The following HIPK2 variants were observed in gnomAD, a reference collection of about 807,000 sequenced individuals.
The protein encoded by HIPK2 is homeodomain-interacting protein kinase 2.
A neutral mutation model predicts 113.7 loss-of-function variants in HIPK2; 27 were observed. The ratio of observed to expected loss-of-function variants is 0.24; its 90% CI spans 0.17 to 0.33. The LOEUF (loss-of-function observed/expected upper bound fraction) is 0.33. Ranked by LOEUF, HIPK2 falls within the 10% of genes least tolerant of loss-of-function variation. HIPK2 has a pLI of 1.00. For synonymous variants in HIPK2, 631 were observed against 642.2 expected (o/e 0.98, Z 0.26); for missense variants, 1,257 against 1,588.0 (o/e 0.79, Z 3.54).
intron 1 of HIPK2, among the ~76,000 whole-genome samples, chr7:139,755,911 CTTAA>C (rs1796355289): frequency 6.6e-6 from 1 of 152,246 alleles, no homozygotes; most frequent in African/African-American, 2.4e-5. Flanking sequence ...TATCATACAG[CTTAA>C]TTCTCAATTA....
intron 2 of HIPK2, among the ~76,000 whole-genome samples, chr7:139,688,106 C>T (rs1025671780): frequency 6.6e-6 from 1 of 152,166 alleles, no homozygotes; most frequent in Non-Finnish European, 1.5e-5. Flanking sequence ...CACACACACA[C>T]ACGCAGCCCA....
At chr7:139,658,432 T>C (rs1286655862) in intron 2 of HIPK2, among the ~76,000 whole-genome samples, 2 of 152,230 alleles carry the variant, frequency 1.3e-5, no homozygotes, top group East Asian at 1.9e-4. Flanking sequence ...GCTACACAAA[T>C]GGCCATGTTA....
At chr7:139,634,260 A>G (rs1358368138) in intron 2 of HIPK2, among the ~76,000 whole-genome samples, 1 of 152,052 alleles carries the variant, frequency 6.6e-6, no homozygotes, top group African/African-American at 2.4e-5. Context: ...CCTTGTTGCT[A>G]TTTAATGAAC....
intron 2 of HIPK2, among the ~76,000 whole-genome samples, chr7:139,658,079 G>C (rs1319899573): frequency 1.3e-5 from 2 of 152,170 alleles, no homozygotes; most frequent in African/African-American, 2.4e-5. Context: ...AGAATCAATA[G>C]GGGATCACCT....
At chr7:139,705,110 G>C (rs776647840) in intron 2 of HIPK2, among the ~76,000 whole-genome samples, 5 of 152,220 alleles carry the variant, frequency 3.3e-5, no homozygotes, top group Non-Finnish European at 7.3e-5. Flanking sequence ...CCAGGCGCCT[G>C]TAAGATGAAA....
intron 2 of HIPK2, among the ~76,000 whole-genome samples, chr7:139,691,029 T>C (rs549189940): frequency 2.0e-5 from 3 of 152,176 alleles, no homozygotes; most frequent in Non-Finnish European, 4.4e-5. Context: ...AAGCCTCCAA[T>C]GTATTTGACA....
At chr7:139,651,696 A>C (rs1189921611) in intron 2 of HIPK2, among the ~76,000 whole-genome samples, 3 of 152,204 alleles carry the variant, frequency 2.0e-5, no homozygotes, top group Non-Finnish European at 4.4e-5. Context: ...GAGGTACACA[A>C]TTTGTTTTCT....
intron 1 of HIPK2, among the ~76,000 whole-genome samples, chr7:139,758,137 C>T (rs930538532): frequency 3.3e-5 from 5 of 152,026 alleles, no homozygotes; most frequent in Non-Finnish European, 7.4e-5. Context: ...TTTCTGGAAT[C>T]AAGAATGTTG....
chr7:139,696,576 C>T (rs1794574242), intron 2 of HIPK2, among the ~76,000 whole-genome samples: 2 of 54,058 alleles, frequency 3.7e-5, no homozygotes, highest in African/African-American at 1.4e-4. Context: ...GAATGAGACC[C>T]TGCCTCAAAA....
At chr7:139,705,166 AATG>A (rs1469104136) in intron 2 of HIPK2, among the ~76,000 whole-genome samples, 1 of 152,252 alleles carries the variant, frequency 6.6e-6, no homozygotes, top group Non-Finnish European at 1.5e-5. Flanking sequence ...ACAAATCATG[AATG>A]ATGACACCAG....
chr7:139,752,599 C>G (rs1052213597), intron 1 of HIPK2, among the ~76,000 whole-genome samples: 2 of 152,016 alleles, frequency 1.3e-5, no homozygotes. Context: ...TCCCTCAGTC[C>G]TCCTATCTTT....
At chr7:139,691,889 C>T (rs536547796) in intron 2 of HIPK2, among the ~76,000 whole-genome samples, 4 of 152,074 alleles carry the variant, frequency 2.6e-5, no homozygotes, top group East Asian at 1.9e-4. Flanking sequence ...CATTAAAAAC[C>T]GTGGCCTATG....
chr7:139,649,221 C>T (rs1323332409), intron 2 of HIPK2, among the ~76,000 whole-genome samples: 1 of 152,108 alleles, frequency 6.6e-6, no homozygotes, highest in East Asian at 1.9e-4. Context: ...CACCTCCCCA[C>T]ACCCTGACTC....
At chr7:139,629,714 A>G (rs1230352547) in intron 4 of HIPK2, among the ~76,000 whole-genome samples, 1 of 152,220 alleles carries the variant, frequency 6.6e-6, no homozygotes, top group East Asian at 1.9e-4. Context: ...GTACTCATCC[A>G]TGAGGTAATC....
chr7:139,623,473 G>A (rs1307448357), intron 6 of HIPK2, among the ~76,000 whole-genome samples: 4 of 143,216 alleles, frequency 2.8e-5, no homozygotes, highest in African/African-American at 5.2e-5. Flanking sequence ...AGCAAAGATC[G>A]TACTGCTGCA....
intron 1 of HIPK2, among the ~76,000 whole-genome samples, chr7:139,764,721 T>C (rs1269788183): frequency 6.6e-6 from 1 of 152,066 alleles, no homozygotes; most frequent in African/African-American, 2.4e-5. Flanking sequence ...CTGGGAATGA[T>C]ATGTCACCTG....
chr7:139,735,133 C>A (rs1795901809), intron 1 of HIPK2, among the ~76,000 whole-genome samples: 1 of 152,070 alleles, frequency 6.6e-6, no homozygotes, highest in Admixed American at 6.5e-5. Flanking sequence ...TCTAGATATC[C>A]CATGCAGGTT....
intron 13 of HIPK2, among the ~76,000 whole-genome samples, chr7:139,575,550 G>A (rs1396895405): frequency 6.6e-6 from 1 of 152,246 alleles, no homozygotes; most frequent in Non-Finnish European, 1.5e-5. Flanking sequence ...AAAGAATCAG[G>A]AGAGGCAAGG....
intron 2 of HIPK2, among the ~76,000 whole-genome samples, chr7:139,692,926 A>G (rs145075575): frequency 2.0e-5 from 3 of 152,322 alleles, no homozygotes; most frequent in Admixed American, 6.5e-5. Context: ...TCCTATGCCA[A>G]TATTTTTTCC....
Sources: gnomAD v4.1 joint callset for allele counts (sites outside exome capture counted in the v4.1 genomes callset) on GRCh38, gnomAD v4.1.1 for gene constraint, MANE v1.5 for transcripts, NCBI Gene and HGNC (gene_info 2026-07-23, HGNC 2026-07-21) for gene names.